SYCP2L: variants seen among roughly 807,000 people sequenced by gnomAD.
SYCP2L encodes synaptonemal complex protein 2-like.
In SYCP2L, 98 loss-of-function variants were observed where a neutral mutation model predicts 125.8. The observed-to-expected ratio is 0.78, with a 90% CI of 0.66 to 0.92. The LOEUF is 0.92. Among genes scored for constraint, SYCP2L ranks in the 40% least tolerant of loss-of-function variants. The pLI, the probability that SYCP2L is intolerant of heterozygous loss-of-function variation, is 0.00. For missense variants in SYCP2L, 842 were observed against 936.4 expected, an observed-to-expected ratio of 0.90 and a Z score of 1.32; for synonymous variants, 317 against 325.4, an observed-to-expected ratio of 0.97 and a Z score of 0.28.
In SYCP2L at chr6:10,887,054, G is replaced by C. The variant is rs1581810922; in HGVS notation, c.-73G>C. ...CCCAGCGGGCGGGGCTCTTGGGCGGGGAAGCAGGAGAGGGCCGACCGAGCG... is the reference window on the plus strand; with the variant it reads ...CCCAGCGGGCGGGGCTCTTGGGCGGCGAAGCAGGAGAGGGCCGACCGAGCG... On this transcript the variant is annotated 5_prime_UTR_variant, in exon 1 of 30. Coordinates refer to ENST00000283141, the MANE Select transcript of SYCP2L (RefSeq NM_001040274.3). 1.2e-6 allele frequency: 2 copies of C among 1,605,924 alleles called. No homozygotes were observed. Among genetic ancestry groups the C allele is most frequent in the African/African-American group, 1.3e-5 (1 of 74,946 alleles).
At chr6:10,973,728 G>A (rs1781814309) in intron 29 of SYCP2L, among the ~76,000 whole-genome samples, 1 of 152,162 alleles carries the variant, frequency 6.6e-6, no homozygotes, top group African/African-American at 2.4e-5. Context: ...TCTTCAGAGT[G>A]GCATGTGTTG....
intron 17 of SYCP2L, 50 bp downstream of exon 17, chr6:10,927,417 G>A: frequency 6.7e-7 from 1 of 1,482,140 alleles, no homozygotes; most frequent in Non-Finnish European, 9.3e-7. Context: ...GAGAAATAAA[G>A]GGACGGACTA....
chr6:10,893,383 CTTA>C (rs1469870290), intron 2 of SYCP2L, among the ~76,000 whole-genome samples: 5 of 152,200 alleles, frequency 3.3e-5, no homozygotes, highest in South Asian at 2.1e-4. Context: ...AATTTGCATA[CTTA>C]TTATCTATAA....
chr6:10,951,111 G>A (rs1781401945), intron 23 of SYCP2L, among the ~76,000 whole-genome samples: 1 of 152,106 alleles, frequency 6.6e-6, no homozygotes, highest in Non-Finnish European at 1.5e-5. Flanking sequence ...CAAGGGAATG[G>A]AGTAAGAAAC....
In SYCP2L at chr6:10,906,002, T is replaced by C. The variant is rs1561682990; in HGVS notation, c.642-18T>C. ...TGATGTTCACTTCAGTTAAATGTGA[T>C]TTATCTAAATGTTTCAGGAAAGACC... On this transcript the variant is annotated intron_variant, in intron 8 of 29. Transcript: ENST00000283141. 1.3e-6 allele frequency: 2 copies of C among 1,581,870 alleles called. No homozygotes were observed. Among genetic ancestry groups the C allele is most frequent in the Non-Finnish European group, 1.7e-6 (2 of 1,156,120 alleles).
intron 16 of SYCP2L, among the ~76,000 whole-genome samples, chr6:10,926,902 C>G (rs1438375520): frequency 6.6e-6 from 1 of 152,012 alleles, no homozygotes; most frequent in Non-Finnish European, 1.5e-5. Flanking sequence ...GCCTCAGCCT[C>G]CCAAGTAGCT....
At chr6:10,891,017 A>G (rs569983473) in intron 1 of SYCP2L, among the ~76,000 whole-genome samples, 69 of 152,298 alleles carry the variant, frequency 4.5e-4, no homozygotes, top group Non-Finnish European at 8.4e-4. Flanking sequence ...GGGTTTATCT[A>G]TTCTGTTCCA....
At chr6:10,967,295 G>A (rs1416377) in intron 29 of SYCP2L, among the ~76,000 whole-genome samples, 2 of 152,082 alleles carry the variant, frequency 1.3e-5, no homozygotes, top group East Asian at 1.9e-4. Flanking sequence ...AAAGCTTCCC[G>A]GTTTATTTTA....
At chr6:10,904,127 G>A (rs1780441344) in intron 8 of SYCP2L, among the ~76,000 whole-genome samples, 2 of 152,360 alleles carry the variant, frequency 1.3e-5, no homozygotes, top group African/African-American at 4.8e-5. Flanking sequence ...ATCTGCTAAA[G>A]AGGAAGTGCC....
At chr6:10,888,699 G>A (rs1422977044) in intron 1 of SYCP2L, among the ~76,000 whole-genome samples, 3 of 152,144 alleles carry the variant, frequency 2.0e-5, no homozygotes, top group African/African-American at 4.8e-5. Context: ...AGATAGGGCC[G>A]TGTCTATAGA....
chr6:10,944,680 T>A, intron 23 of SYCP2L, among the ~76,000 whole-genome samples: 1 of 152,128 alleles, frequency 6.6e-6, no homozygotes, highest in Non-Finnish European at 1.5e-5. Context: ...TAATATATAT[T>A]TGTCATTATT....
chr6:10,956,339 A>G, intron 25 of SYCP2L, 97 bp downstream of exon 25: 1 of 920,756 alleles, frequency 1.1e-6, no homozygotes, highest in South Asian at 1.6e-5. Context: ...GGTCTCACTT[A>G]TATTGAAATC....
intron 21 of SYCP2L, among the ~76,000 whole-genome samples, chr6:10,940,408 C>T (rs1359466320): frequency 6.6e-6 from 1 of 151,968 alleles, no homozygotes; most frequent in Admixed American, 6.6e-5. Context: ...TTCACAATAG[C>T]CAGGATATGG....
chr6:10,916,927 G>T (rs1780704345), intron 14 of SYCP2L, among the ~76,000 whole-genome samples: 1 of 152,208 alleles, frequency 6.6e-6, no homozygotes, highest in African/African-American at 2.4e-5. Context: ...GGGAGGTGGA[G>T]GTTGCAGTGA....
At chr6:10,929,200 T>C (rs997200949) in intron 18 of SYCP2L, among the ~76,000 whole-genome samples, 12 of 152,188 alleles carry the variant, frequency 7.9e-5, no homozygotes, top group African/African-American at 2.7e-4. Context: ...CGCACCCGGC[T>C]GTGTATTCTC....
At chr6:10,957,120 T>C (rs1043415316) in intron 25 of SYCP2L, among the ~76,000 whole-genome samples, 1 of 152,234 alleles carries the variant, frequency 6.6e-6, no homozygotes, top group Admixed American at 6.5e-5. Context: ...TGAGCCACTG[T>C]ACCTGGCCTG....
intron 9 of SYCP2L, among the ~76,000 whole-genome samples, chr6:10,907,204 C>T (rs1357896463): frequency 6.6e-6 from 1 of 151,928 alleles, no homozygotes; most frequent in Non-Finnish European, 1.5e-5. Context: ...ATTAGGTAGG[C>T]ATGATGACAC....
At chr6:10,907,891 G>GATTTTTTTTT in intron 10 of SYCP2L, among the ~76,000 whole-genome samples, 1 of 21,546 alleles carries the variant, frequency 4.6e-5, no homozygotes, top group Non-Finnish European at 1.1e-4. Context: ...GATACAGATA[G>GATTTTTTTTT]GTTTTTTTTT....
chr6:10,951,606 A>G (rs1457034891), intron 23 of SYCP2L, among the ~76,000 whole-genome samples: 2 of 152,232 alleles, frequency 1.3e-5, no homozygotes, highest in African/African-American at 2.4e-5. Context: ...TTCAACAGTA[A>G]AGATAGTCTT....
Sources: allele counts gnomAD v4.1 joint callset (sites outside exome capture counted in the v4.1 genomes callset), GRCh38; gene constraint gnomAD v4.1.1; transcripts MANE v1.5; gene names NCBI Gene and HGNC (gene_info 2026-07-23, HGNC 2026-07-21).